The following INPP5F variants were observed in gnomAD, a reference collection of about 807,000 sequenced individuals.
INPP5F encodes the protein phosphatidylinositide 4-phosphatase SAC2.
In INPP5F, 97 loss-of-function variants were observed where a neutral mutation model predicts 137.2. The ratio of observed to expected loss-of-function variants is 0.71; its 90% CI spans 0.60 to 0.84. The LOEUF is 0.84. Among genes scored for constraint, INPP5F ranks in the 40% least tolerant of loss-of-function variants. The probability of loss-of-function intolerance (pLI) is 0.00; values close to 1 mark genes in which losing one functional copy is unlikely to be tolerated. For synonymous variants in INPP5F, 504 were observed against 476.9 expected (o/e 1.06, Z -0.74); for missense variants, 1,271 against 1,371.9 (o/e 0.93, Z 1.16).
At position 119,792,210 on chromosome 10, in the gene INPP5F, T is replaced by C; in HGVS notation, c.666T>C (p.Ile222=). The C allele has an allele frequency of 6.2e-7, 1 of 1,608,930 alleles. No homozygotes were observed. The highest frequency in any genetic ancestry group is 8.5e-7 in the Non-Finnish European group (1 of 1,175,380). The change falls in exon 6 of 20, where the codon ATT becomes ATC. Residue 222 remains isoleucine, a synonymous_variant. Coordinates refer to ENST00000650623, the MANE Select transcript of INPP5F (RefSeq NM_014937.4). ...NKYMIQDLTE[I]GTPDVDFWII... Reference sequence around the variant, plus strand: ...ACATGATACAAGATCTTACTGAGATTGGTGTGAGTAGTTGTTTCTAAAATT... The same window carrying C: ...ACATGATACAAGATCTTACTGAGATCGGTGTGAGTAGTTGTTTCTAAAATT...
intron 2 of INPP5F, among the ~76,000 whole-genome samples, chr10:119,772,058 G>A (rs1050380878): frequency 6.7e-5 from 10 of 149,968 alleles, no homozygotes; most frequent in Non-Finnish European, 1.0e-4. Flanking sequence ...CCACCACGCC[G>A]GGCTAATTTT....
chr10:119,748,514 C>A lies in INPP5F; in HGVS notation c.98-2562C>A, dbSNP rs1848604083. 6.6e-6 allele frequency among the ~76,000 whole-genome samples: 1 copy of A among 152,120 alleles called. No homozygotes were observed. The highest frequency in any genetic ancestry group is 1.5e-5 in the Non-Finnish European group (1 of 68,014). ...TGAGGTATGCAAGGTATGTGGACAA[C>A]TGGAGGGGGAGCAAGGCAGAGAGCA... On this transcript the variant is annotated intron_variant, in intron 1 of 19. Coordinates refer to ENST00000650623, the MANE Select transcript of INPP5F (RefSeq NM_014937.4). The surrounding 1 kb of genome is among the most constrained non-coding windows in gnomAD (Gnocchi z 4.7).
chr10:119,730,107 CT>C (rs1044584322), intron 1 of INPP5F, among the ~76,000 whole-genome samples: 1 of 151,602 alleles, frequency 6.6e-6, no homozygotes, highest in Non-Finnish European at 1.5e-5. Flanking sequence ...CTTCTCTTTT[CT>C]TTTTTTTCTT....
intron 2 of INPP5F, among the ~76,000 whole-genome samples, chr10:119,777,950 G>A (rs41459345): frequency 0.043 from 6,542 of 152,180 alleles, 242 homozygotes; most frequent in South Asian, 0.22. Context: ...AAGTTGATCA[G>A]TACTTGGGGA....
intron 19 of INPP5F, 51 bp downstream of exon 19, chr10:119,823,953 A>G (rs774992264): frequency 1.4e-5 from 19 of 1,366,946 alleles, no homozygotes; most frequent in Non-Finnish European, 1.9e-5. Flanking sequence ...CCAAGGTCTT[A>G]TTTGTTTAAA....
intron 3 of INPP5F, among the ~76,000 whole-genome samples, chr10:119,785,573 A>AGAGAGAGAGAGAGACT (rs1564828558): frequency 1.3e-5 from 2 of 151,166 alleles, no homozygotes; most frequent in East Asian, 1.9e-4. Context: ...AGAGAGAGAG[A>AGAGAGAGAGAGAGACT]GAGAGACTGA....
intron 19 of INPP5F, among the ~76,000 whole-genome samples, chr10:119,824,359 T>G (rs935821432): frequency 6.6e-6 from 1 of 152,256 alleles, no homozygotes; most frequent in African/African-American, 2.4e-5. Context: ...TGTCTTTTCT[T>G]TCATAACTTT....
intron 2 of INPP5F, among the ~76,000 whole-genome samples, chr10:119,772,713 T>A (rs1372014310): frequency 6.6e-6 from 1 of 152,204 alleles, no homozygotes; most frequent in East Asian, 1.9e-4. Context: ...TTAACTTTTT[T>A]TTCGTGTGGA....
chr10:119,811,887 C>A lies in INPP5F; in HGVS notation c.1818C>A (p.Tyr606Ter). Residue 606 changes from tyrosine to a stop codon, truncating the protein, a stop_gained, in exon 15 of 20, where the codon TAC (tyrosine) becomes TAA (stop). Coordinates refer to ENST00000650623, the MANE Select transcript of INPP5F (RefSeq NM_014937.4). LOFTEE classifies it high-confidence loss of function. ...TAATTAGCCAGCTCTTACAAAGTTA[C>A]ATGAAGTTACTACTGCCTGATGATG... ...QELISQLLQSYMKLLLPDDEK... is the reference protein window; with the variant it reads ...QELISQLLQS 6.2e-7 allele frequency: 1 copy of A among 1,614,182 alleles called. No homozygotes were observed. The highest frequency in any genetic ancestry group is 8.5e-7 in the Non-Finnish European group (1 of 1,180,018).
intron 1 of INPP5F, among the ~76,000 whole-genome samples, chr10:119,731,888 C>T (rs919347690): frequency 2.0e-5 from 3 of 152,092 alleles, no homozygotes; most frequent in African/African-American, 7.2e-5. Context: ...GACAGGCTAA[C>T]AGTTGGGTTG....
intron 2 of INPP5F, among the ~76,000 whole-genome samples, chr10:119,754,288 T>C (rs545063544): frequency 1.3e-5 from 2 of 152,330 alleles, no homozygotes; most frequent in East Asian, 3.9e-4. Flanking sequence ...AGCTGTCTCC[T>C]ACAAATAATG....
chr10:119,755,437 CAAAT>C (rs1438085706), intron 2 of INPP5F, among the ~76,000 whole-genome samples: 3 of 152,162 alleles, frequency 2.0e-5, no homozygotes, highest in Admixed American at 6.6e-5. Flanking sequence ...AAGGCCCACT[CAAAT>C]AAACTCACTT....
chr10:119,822,254 G>A (rs904033197), intron 16 of INPP5F, among the ~76,000 whole-genome samples, 177 bp from the exon 17 acceptor site: 4 of 152,016 alleles, frequency 2.6e-5, no homozygotes, highest in African/African-American at 7.3e-5. Flanking sequence ...CTATATATAT[G>A]TTATTCTTGT....
At chr10:119,751,728 G>T (rs1245401739) in intron 2 of INPP5F, among the ~76,000 whole-genome samples, 1 of 152,174 alleles carries the variant, frequency 6.6e-6, no homozygotes, top group African/African-American at 2.4e-5. Flanking sequence ...ATACAGGTGG[G>T]TCCCAAAAGG....
chr10:119,822,588 G>T, intron 17 of INPP5F, 84 bp downstream of exon 17: 1 of 622,718 alleles, frequency 1.6e-6, no homozygotes, highest in Admixed American at 3.3e-5. Context: ...GCAAGAACCT[G>T]GTTTAAGTTT....
In INPP5F at chr10:119,827,156, T is replaced by C. The variant is rs368530912; in HGVS notation, c.2775T>C (p.His925=). 1.1e-4 allele frequency: 175 copies of C among 1,613,980 alleles called. No homozygotes were observed. The highest frequency in any genetic ancestry group is 1.8e-4 in the Admixed American group (11 of 60,002). The stretch of plus-strand genomic sequence containing the variant: ...CTCCTTCAGAGATTACTGTTGCTCA[T>C]GGGAGTGGGCTTGGAAAAGGCCAGG... ...VHAPSEITVA[H]GSGLGKGQES... The change falls in exon 20 of 20, where the codon CAT becomes CAC. Residue 925 remains histidine (H), a synonymous_variant. Coordinates refer to ENST00000650623, the MANE Select transcript of INPP5F (RefSeq NM_014937.4).
At chr10:119,765,351 G>A (rs536642397) in intron 2 of INPP5F, among the ~76,000 whole-genome samples, 1 of 151,906 alleles carries the variant, frequency 6.6e-6, no homozygotes, top group African/African-American at 2.4e-5. Context: ...TAAGTTTTGG[G>A]GGTGTTAAAA....
At position 119,726,287 on chromosome 10, in the gene INPP5F, C is replaced by A. The variant is rs1326272336; in HGVS notation, c.25C>A (p.His9Asn). The change falls in exon 1 of 20, where the codon CAC (histidine) becomes AAC (asparagine). Residue 9 changes from histidine (H) to asparagine (N), a missense_variant. Around this residue, in one of 6 missense-constraint regions of INPP5F, gnomAD observed 109 missense variants for 105.1 expected, o/e 1.04. Transcript: ENST00000650623. MELFQAKD[H>N]YILQQGERAL... ...CATGGAGCTCTTCCAAGCCAAGGAC[C>A]ACTACATCCTGCAGCAGGGCGAGCG... 6.7e-7 allele frequency: 1 copy of A among 1,492,970 alleles called. No individual in the cohort carries two copies. Among genetic ancestry groups the A allele is most frequent in the Admixed American group, 2.2e-5 (1 of 45,756 alleles). 92.5% of individuals were successfully genotyped at this position (1,492,970 alleles called of 1,614,324 possible).
At chr10:119,733,189 G>A (rs1176683009) in intron 1 of INPP5F, among the ~76,000 whole-genome samples, 1 of 152,198 alleles carries the variant, frequency 6.6e-6, no homozygotes, top group African/African-American at 2.4e-5. Flanking sequence ...GTCAAAGCAA[G>A]CACATTAAGG....
Sources: allele counts gnomAD v4.1 joint callset (sites outside exome capture counted in the v4.1 genomes callset), GRCh38; gene constraint gnomAD v4.1.1; regional missense constraint gnomAD v4.1.1; non-coding constraint Gnocchi (gnomAD v3.1); transcripts MANE v1.5; gene names NCBI Gene and HGNC (gene_info 2026-07-23, HGNC 2026-07-21).